Variants in TGFBI observed in about 807,000 individuals in gnomAD.
TGFBI encodes the protein transforming growth factor-beta-induced protein ig-h3.
TGFBI carries 50 observed loss-of-function variants against 73.7 expected under a neutral mutation model. That is an observed-to-expected ratio of 0.68 (90% CI 0.54 to 0.86). The LOEUF (loss-of-function observed/expected upper bound fraction) is 0.86. Ranked by LOEUF, TGFBI falls within the 40% of genes least tolerant of loss-of-function variation. TGFBI has a pLI of 0.00. For synonymous variants in TGFBI, 362 were observed against 360.5 expected, an observed-to-expected ratio of 1.00 and a Z score of -0.05; for missense variants, 839 against 877.0, an observed-to-expected ratio of 0.96 and a Z score of 0.55.
intron 7 of TGFBI, among the ~76,000 whole-genome samples, chr5:136,050,971 T>C (rs749712141): frequency 1.6e-4 from 25 of 152,106 alleles, no homozygotes; most frequent in Non-Finnish European, 3.1e-4. Flanking sequence ...TAAAACAGGT[T>C]GTTGGGATCT....
chr5:136,040,256 C>A (rs2126905850), intron 2 of TGFBI, among the ~76,000 whole-genome samples: 1 of 152,298 alleles, frequency 6.6e-6, no homozygotes, highest in Non-Finnish European at 1.5e-5. Context: ...CTCTTTGCAC[C>A]TTCCTTGAAA....
At position 136,047,438 on chromosome 5, in the gene TGFBI, G is replaced by A. The variant is rs764733086; in HGVS notation, c.771+18G>A. 605 of 1,613,596 alleles carry A rather than the reference G, an allele frequency of 3.7e-4. No individual in the cohort carries two copies. The highest frequency in any genetic ancestry group is 5.0e-4 in the Non-Finnish European group (587 of 1,179,780). The stretch of plus-strand genomic sequence containing the variant: ...CCCTTCGGGTAAGGGACTGCCCTGG[G>A]TGGAGGCCCAGGCTTGGGACACATT... On this transcript the variant is annotated intron_variant, in intron 6 of 16. Coordinates refer to ENST00000442011, the MANE Select transcript of TGFBI (RefSeq NM_000358.3).
intron 7 of TGFBI, among the ~76,000 whole-genome samples, chr5:136,050,028 A>G (rs74291926): frequency 6.6e-6 from 1 of 152,194 alleles, no homozygotes; most frequent in Non-Finnish European, 1.5e-5. Context: ...ATAAACCAAA[A>G]TTACAGTTAA....
chr5:136,060,333 C>A (rs1336299765), intron 13 of TGFBI, among the ~76,000 whole-genome samples: 1 of 152,188 alleles, frequency 6.6e-6, no homozygotes, highest in Non-Finnish European at 1.5e-5. Context: ...TTGAATTAAT[C>A]CACCACACTG....
intron 1 of TGFBI, among the ~76,000 whole-genome samples, chr5:136,032,747 C>T (rs1489714876): frequency 6.6e-6 from 1 of 152,112 alleles, no homozygotes; most frequent in East Asian, 1.9e-4. Context: ...ACTGACCACG[C>T]CTCTCCTGAC....
Position 136,060,819 on chromosome 5 carries a change from CTG to C in TGFBI, c.1804-13_1804-12del. 1 of 1,573,674 alleles carries C rather than the reference CTG, an allele frequency of 6.4e-7. No individual in the cohort carries two copies. ...AAATGCTCTACTTTCAACCACTACTCTGTTTTTCTTTTAGAAAAACAATGTGG... is the reference window on the plus strand; with the variant it reads ...AAATGCTCTACTTTCAACCACTACTCTTTTTCTTTTAGAAAAACAATGTGG... On this transcript the variant is annotated splice_polypyrimidine_tract_variant and intron_variant, in intron 13 of 16. Transcript: ENST00000442011.
At position 136,055,724 on chromosome 5, in the gene TGFBI, G is replaced by C. The variant is rs777888998; in HGVS notation, c.1455G>C (p.Arg485Ser). ...GCTGCATCGCGGCCCACGACAAGAG[G>C]GGGAGGTACGGGACCCTGTTCACGA... The part of the protein sequence containing the change: ...ENSCIAAHDK[R>S]GRYGTLFTMD... The change falls in exon 11 of 17, where the codon AGG becomes AGC. Residue 485 changes from arginine to serine, a missense_variant. Transcript: ENST00000442011. 1.9e-6 allele frequency: 3 copies of C among 1,611,302 alleles called. No homozygotes were observed. Among genetic ancestry groups the C allele is most frequent in the South Asian group, 2.2e-5 (2 of 90,766 alleles).
intron 1 of TGFBI, 23 bp from the exon 2 acceptor site, chr5:136,033,740 A>G (rs1751163940): frequency 1.2e-6 from 2 of 1,607,516 alleles, no homozygotes; most frequent in East Asian, 4.5e-5. Flanking sequence ...TCATCTTCCT[A>G]ATTCTGCTGC....
intron 2 of TGFBI, among the ~76,000 whole-genome samples, chr5:136,042,210 T>C (rs1411332233): frequency 2.6e-5 from 4 of 152,258 alleles, no homozygotes; most frequent in Non-Finnish European, 4.4e-5. Flanking sequence ...GGTTCAAGGC[T>C]TGGAGCTCTC....
In TGFBI at chr5:136,047,280, A is replaced by G. The variant is rs758383396; in HGVS notation, c.631A>G (p.Thr211Ala). Residue 211 changes from threonine to alanine, a missense_variant, in exon 6 of 17, where the codon ACT becomes GCT. Transcript: ENST00000442011. ...QIHHYPNGIVTVNCARLLKAD... is the reference protein window; with the variant it reads ...QIHHYPNGIVAVNCARLLKAD... The stretch of plus-strand genomic sequence containing the variant: ...TTGCTGCTTCTCTGGGCAGATTGTA[A>G]CTGTGAACTGTGCCCGGCTGCTGAA... The G allele has an allele frequency of 1.2e-6, 2 of 1,613,720 alleles. No homozygotes were observed. Among genetic ancestry groups the G allele is most frequent in the East Asian group, 2.2e-5 (1 of 44,852 alleles).
Position 136,046,462 on chromosome 5 carries a change from C to T in TGFBI, c.426C>T (p.Ala142=), listed in dbSNP as rs1385227019. 4 of 1,611,912 alleles carry T rather than the reference C, an allele frequency of 2.5e-6. No individual in the cohort carries two copies. Among genetic ancestry groups the T allele is most frequent in the South Asian group, 1.1e-5 (1 of 90,902 alleles). ...MEGPGSFTIF[A]PSNEAWASLP... ...GGCCCGGCAGCTTCACCATCTTCGC[C>T]CCTAGCAACGAGGCCTGGGCCTCCT... is the stretch of plus-strand genomic sequence containing the variant. Residue 142 remains alanine, a synonymous_variant, in exon 4 of 17, where the codon GCC becomes GCT. Coordinates refer to ENST00000442011, the MANE Select transcript of TGFBI (RefSeq NM_000358.3).
Position 136,056,647 on chromosome 5 carries a change from CTGTG to C in TGFBI, c.1548-12_1548-9del. 1 of 1,613,666 alleles carries C rather than the reference CTGTG, an allele frequency of 6.2e-7. No individual in the cohort carries two copies. The highest frequency in any genetic ancestry group is 2.2e-5 in the East Asian group (1 of 44,854). On this transcript the variant is annotated splice_polypyrimidine_tract_variant and intron_variant, in intron 11 of 16. Coordinates refer to ENST00000442011, the MANE Select transcript of TGFBI (RefSeq NM_000358.3). ...AATACCTGTTGACAGGTGACATTTT[CTGTG>C]TGTGTATCTACAGCATGCTGGTAGC...
intron 3 of TGFBI, chr5:136,045,659 G>T (rs1213618828): frequency 6.6e-6 from 1 of 152,180 alleles, no homozygotes; most frequent in Non-Finnish European, 1.5e-5. Context: ...GGTTGGTGCG[G>T]GTGGGGCCAT....
chr5:136,056,868 T>C (rs1337152903), intron 12 of TGFBI, 73 bp downstream of exon 12: 17 of 1,509,790 alleles, frequency 1.1e-5, no homozygotes, highest in Non-Finnish European at 1.5e-5. Context: ...CAGCAAACAG[T>C]TGGCACATCA....
chr5:136,038,316 C>T (rs1227973357), intron 2 of TGFBI, among the ~76,000 whole-genome samples: 1 of 152,124 alleles, frequency 6.6e-6, no homozygotes, highest in East Asian at 1.9e-4. Flanking sequence ...AATATATTCC[C>T]TTACTGGAAA....
chr5:136,034,000 G>A lies in TGFBI; in HGVS notation c.233+139G>A, dbSNP rs756565048. On this transcript the variant is annotated intron_variant, in intron 2 of 16. Coordinates refer to ENST00000442011, the MANE Select transcript of TGFBI (RefSeq NM_000358.3). ...ATGTGCGAACATGTCTGGGACCTGC[G>A]TGCTAGGGAGTGGCATTTTTAGGAA... 2.2e-5 allele frequency: 16 copies of A among 715,548 alleles called. 1 individual carries two copies. The highest frequency in any genetic ancestry group is 7.1e-5 in the African/African-American group (4 of 56,598). 44.3% of individuals were successfully genotyped at this position (715,548 alleles called of 1,614,324 possible).
chr5:136,043,605 C>A (rs1296450160), intron 2 of TGFBI, among the ~76,000 whole-genome samples: 1 of 152,062 alleles, frequency 6.6e-6, no homozygotes, highest in Non-Finnish European at 1.5e-5. Flanking sequence ...AAACTGAGAC[C>A]CAGAGAGATG....
At position 136,056,697 on chromosome 5, in the gene TGFBI, T is replaced by G. The variant is rs1050842080; in HGVS notation, c.1580T>G (p.Leu527Arg). 5 of 1,614,010 alleles carry G rather than the reference T, an allele frequency of 3.1e-6. No individual in the cohort carries two copies. The East Asian group carries it at 1.1e-4, about 36-fold the overall frequency. Residue 527 changes from leucine (L) to arginine (R), a missense_variant, in exon 12 of 17, where the codon CTG becomes CGG. Physicochemically the swap from Leu to Arg is moderately radical, Grantham distance 102. Transcript: ENST00000442011. ...MLVAAIQSAG[L>R]TETLNREGVY... is the part of the protein sequence containing the mutation. ...GTAGCTGCCATCCAGTCTGCAGGAC[T>G]GACGGAGACCCTCAACCGGGAAGGA...
chr5:136,041,484 T>C (rs1353800896), intron 2 of TGFBI, among the ~76,000 whole-genome samples: 1 of 152,206 alleles, frequency 6.6e-6, no homozygotes, highest in African/African-American at 2.4e-5. Flanking sequence ...GTCTTCTAGA[T>C]GTCAGACTTT....
Sources: allele counts gnomAD v4.1 joint callset (sites outside exome capture counted in the v4.1 genomes callset), GRCh38; gene constraint gnomAD v4.1.1; transcripts MANE v1.5; gene names NCBI Gene and HGNC (gene_info 2026-07-23, HGNC 2026-07-21).